TADA1: variants seen among roughly 807,000 people sequenced by gnomAD.
TADA1 encodes the protein transcriptional adapter 1.
Under a neutral mutation model 39.3 loss-of-function variants are expected in TADA1, and 23 were observed. The ratio of observed to expected loss-of-function variants is 0.58; its 90% CI spans 0.42 to 0.83. The LOEUF (loss-of-function observed/expected upper bound fraction) is 0.83. Ranked by LOEUF, TADA1 falls within the 40% of genes least tolerant of loss-of-function variation. The pLI is 0.00. For missense variants in TADA1, 352 were observed against 408.1 expected, an observed-to-expected ratio of 0.86 and a Z score of 1.18; for synonymous variants, 137 against 151.8, an observed-to-expected ratio of 0.90 and a Z score of 0.72.
chr1:166,869,972 G>A (rs974174199), intron 1 of TADA1, 118 bp from the exon 2 acceptor site: 1 of 786,624 alleles, frequency 1.3e-6, no homozygotes, highest in Non-Finnish European at 2.1e-6. Flanking sequence ...CTGGAGTGCA[G>A]GGGAACAATC....
At position 166,857,317 on chromosome 1, in the gene TADA1, T is replaced by C; in HGVS notation, c.*250A>G. On this transcript the variant is annotated 3_prime_UTR_variant, in exon 8 of 8. Coordinates refer to ENST00000367874, the MANE Select transcript of TADA1 (RefSeq NM_053053.4). ...AGCCTCAGGTACCTAAATATCTCCATTCCAGGCACAGGATTTCATTAGTGC... is the reference window on the plus strand; with the variant it reads ...AGCCTCAGGTACCTAAATATCTCCACTCCAGGCACAGGATTTCATTAGTGC... 3 of 453,832 alleles carry C rather than the reference T, an allele frequency of 6.6e-6. No homozygotes were observed. The highest frequency in any genetic ancestry group is 7.6e-5 in the East Asian group (2 of 26,290). The allele number at this position is 453,832 out of a possible 1,614,324, so 28.1% of individuals were successfully genotyped here. A position where few individuals can be genotyped will look rare whatever the true frequency, so the allele number is the denominator to read the frequency against.
Position 166,857,494 on chromosome 1 carries a change from TGTG to T in TADA1, c.*70_*72del. 6.4e-7 allele frequency: 1 copy of T among 1,562,694 alleles called. No individual in the cohort carries two copies. The highest frequency in any genetic ancestry group is 8.7e-7 in the Non-Finnish European group (1 of 1,145,436). ...TACACTATACACTTCAGCCTTGAAA[TGTG>T]GACCCAAAAAACATTCAATTTTCAG... is the stretch of plus-strand genomic sequence containing the variant. On this transcript the variant is annotated 3_prime_UTR_variant, in exon 8 of 8. Coordinates refer to ENST00000367874, the MANE Select transcript of TADA1 (RefSeq NM_053053.4).
chr1:166,860,874 G>T (rs1658393617), intron 5 of TADA1, among the ~76,000 whole-genome samples: 1 of 152,120 alleles, frequency 6.6e-6, no homozygotes, highest in Non-Finnish European at 1.5e-5. Flanking sequence ...TCACCATGTT[G>T]GCCAGGCTGG....
At chr1:166,861,767 C>T (rs1011322967) in intron 5 of TADA1, among the ~76,000 whole-genome samples, 1 of 152,266 alleles carries the variant, frequency 6.6e-6, no homozygotes, top group South Asian at 2.1e-4. Context: ...AAGAAAACAA[C>T]TTTTAGCCAG....
Position 166,862,308 on chromosome 1 carries a change from A to T in TADA1, c.435T>A (p.Leu145=). Reference sequence around the variant, plus strand: ...TCCCTTCAAGCTGGCCTCGAGTGGGAAGCATCATTGTGTGGGAACAAAGTT... The same window carrying T: ...TCCCTTCAAGCTGGCCTCGAGTGGGTAGCATCATTGTGTGGGAACAAAGTT... The part of the protein sequence containing the change: ...DLKLCSHTMM[L]PTRGQLEGRM... Residue 145 remains leucine (L), a synonymous_variant, in exon 5 of 8, where the codon CTT becomes CTA. Coordinates refer to ENST00000367874, the MANE Select transcript of TADA1 (RefSeq NM_053053.4). 6.2e-7 allele frequency: 1 copy of T among 1,614,194 alleles called. No homozygotes were observed. Among genetic ancestry groups the T allele is most frequent in the Non-Finnish European group, 8.5e-7 (1 of 1,180,032 alleles).
At position 166,858,104 on chromosome 1, in the gene TADA1, G is replaced by A; in HGVS notation, c.855+15C>T. The A allele has an allele frequency of 6.2e-7, 1 of 1,613,804 alleles. No individual in the cohort carries two copies. The highest frequency in any genetic ancestry group is 8.5e-7 in the Non-Finnish European group (1 of 1,179,896). ...ATCCATAAACCTAGGTAAACTTTAAGGAGCCAAGACTTACCTGCAAAGCTT... is the reference window on the plus strand; with the variant it reads ...ATCCATAAACCTAGGTAAACTTTAAAGAGCCAAGACTTACCTGCAAAGCTT... On this transcript the variant is annotated intron_variant, in intron 7 of 7. Transcript: ENST00000367874.
intron 3 of TADA1, among the ~76,000 whole-genome samples, chr1:166,865,193 A>C (rs929722804): frequency 6.6e-6 from 1 of 152,222 alleles, no homozygotes; most frequent in African/African-American, 2.4e-5. Context: ...CATCCATGAA[A>C]CAAGATGCTA....
intron 5 of TADA1, 86 bp from the exon 6 acceptor site, chr1:166,860,423 G>C: frequency 7.5e-7 from 1 of 1,333,660 alleles, no homozygotes. Flanking sequence ...ACATTTATTG[G>C]CATTTAGATG....
At position 166,856,603 on chromosome 1, in the gene TADA1, ATTAT is replaced by A. The variant is rs1044523836; in HGVS notation, c.*960_*963del. The A allele has an allele frequency of 2.6e-4, 39 of 152,756 alleles. No individual in the cohort carries two copies. Among genetic ancestry groups the A allele is most frequent in the African/African-American group, 6.3e-4 (26 of 41,572 alleles). 9.5% of individuals were successfully genotyped at this position (152,756 alleles called of 1,614,324 possible). On this transcript the variant is annotated 3_prime_UTR_variant, in exon 8 of 8. Transcript: ENST00000367874. The stretch of plus-strand genomic sequence containing the variant: ...ACCATATATACATATCTATACAACC[ATTAT>A]TTAGACTTTCACAAACCTATCTATA...
In TADA1 at chr1:166,872,620, C is replaced by T. The variant is rs187311393; in HGVS notation, c.75-2766G>A. On this transcript the variant is annotated intron_variant, in intron 1 of 7. Transcript: ENST00000367874. ...CCAGGAGGCAGAGGTTGCAGTGAGCCGAGATAGTGCCATTGCACTCCAGCC... is the reference window on the plus strand; with the variant it reads ...CCAGGAGGCAGAGGTTGCAGTGAGCTGAGATAGTGCCATTGCACTCCAGCC... Among the ~76,000 whole-genome samples, 218 of 151,984 alleles carry T rather than the reference C, an allele frequency of 1.4e-3. 1 individual carries two copies. Among genetic ancestry groups the T allele is most frequent in the East Asian group, 4.9e-3 (25 of 5,150 alleles).
intron 2 of TADA1, 43 bp from the exon 3 acceptor site, chr1:166,869,553 C>G (rs1182590037): frequency 3.8e-6 from 6 of 1,599,978 alleles, no homozygotes; most frequent in Non-Finnish European, 4.3e-6. Flanking sequence ...AAAACATTTT[C>G]AACATAAGGA....
rs1201063548 is a variant in TADA1 at position 166,860,315 on chromosome 1, G to A, written c.563C>T (p.Thr188Met). Reference protein sequence around the residue: ...AVENHLKDILTSVVSRRKAYR... With the variant: ...AVENHLKDILMSVVSRRKAYR... Reference sequence around the variant, plus strand: ...AGCTTTCCTTCTTGACACAACTGACGTCAGTATATCTTTAAGGTGATTCTG... The same window carrying A: ...AGCTTTCCTTCTTGACACAACTGACATCAGTATATCTTTAAGGTGATTCTG... Residue 188 changes from threonine (T) to methionine (M), a missense_variant, in exon 6 of 8, where the codon ACG (threonine) becomes ATG (methionine). Around this residue, in one of 3 missense-constraint regions of TADA1, gnomAD observed 285 missense variants for 310.9 expected, o/e 0.92. Transcript: ENST00000367874. The A allele has an allele frequency of 5.6e-6, 9 of 1,611,992 alleles. No individual in the cohort carries two copies. Among genetic ancestry groups the A allele is most frequent in the African/African-American group, 2.7e-5 (2 of 74,790 alleles).
intron 6 of TADA1, 22 bp from the exon 7 acceptor site, chr1:166,858,303 A>T: frequency 6.6e-7 from 1 of 1,520,768 alleles, no homozygotes; most frequent in South Asian, 1.3e-5. Context: ...AATTTCAGAA[A>T]TAGTCCCAGC....
intron 1 of TADA1, among the ~76,000 whole-genome samples, chr1:166,871,198 G>A (rs1658650639): frequency 6.6e-6 from 1 of 152,154 alleles, no homozygotes; most frequent in South Asian, 2.1e-4. Flanking sequence ...GAAAAAAAAT[G>A]ACTTAACCTT....
At position 166,856,678 on chromosome 1, in the gene TADA1, A is replaced by G. The variant is rs1002931913; in HGVS notation, c.*889T>C. 34 of 152,768 alleles carry G rather than the reference A, an allele frequency of 2.2e-4. No homozygotes were observed. Among genetic ancestry groups the G allele is most frequent in the African/African-American group, 8.2e-4 (34 of 41,576 alleles). 9.5% of individuals were successfully genotyped at this position (152,768 alleles called of 1,614,324 possible). ...CACTATCCCTTAAGTAAAAAGCAACATATCTCTTAAGTAGGTTTGTTATCA... is the reference window on the plus strand; with the variant it reads ...CACTATCCCTTAAGTAAAAAGCAACGTATCTCTTAAGTAGGTTTGTTATCA... On this transcript the variant is annotated 3_prime_UTR_variant, in exon 8 of 8. Transcript: ENST00000367874.
intron 5 of TADA1, among the ~76,000 whole-genome samples, chr1:166,861,544 G>C (rs1030795308): frequency 6.6e-6 from 1 of 152,164 alleles, no homozygotes; most frequent in Non-Finnish European, 1.5e-5. Context: ...CTGTTCAGAT[G>C]CCAAGACTAA....
At chr1:166,862,983 A>C (rs1658450437) in intron 4 of TADA1, 1 of 155,196 alleles carries the variant, frequency 6.4e-6, no homozygotes, top group Non-Finnish European at 1.4e-5. Flanking sequence ...ATAAAATCTC[A>C]GCCTTCCTCA....
chr1:166,862,925 C>T lies in TADA1; in HGVS notation c.331-513G>A, dbSNP rs192972732. On this transcript the variant is annotated intron_variant, in intron 4 of 7. Transcript: ENST00000367874. ...TATTTTCTACTTAGAATTCTCAACA[C>T]AGAACCTAAGATACAGTCATGACTA... The T allele has an allele frequency of 2.5e-4, 41 of 162,532 alleles. No homozygotes were observed. The East Asian group carries it at 5.4e-3, about 21-fold the overall frequency. 10.1% of individuals were successfully genotyped at this position (162,532 alleles called of 1,614,324 possible).
At chr1:166,873,782 G>C (rs1334998000) in intron 1 of TADA1, among the ~76,000 whole-genome samples, 1 of 152,138 alleles carries the variant, frequency 6.6e-6, no homozygotes, top group South Asian at 2.1e-4. Flanking sequence ...TTTAGCTTCA[G>C]CATCAGTATT....
Sources: gnomAD v4.1 joint callset for allele counts (sites outside exome capture counted in the v4.1 genomes callset) on GRCh38, gnomAD v4.1.1 for gene constraint, gnomAD v4.1.1 regional missense constraint, MANE v1.5 for transcripts, NCBI Gene and HGNC (gene_info 2026-07-23, HGNC 2026-07-21) for gene names.